VWA3B: variants seen among roughly 807,000 people sequenced by gnomAD.
VWA3B encodes von Willebrand factor A domain containing 3B.
Under a neutral mutation model 158.3 loss-of-function variants are expected in VWA3B, and 138 were observed. The observed-to-expected ratio is 0.87, with a 90% CI of 0.76 to 1.00. The LOEUF is 1.00. Among genes scored for constraint, VWA3B ranks in the 50% least tolerant of loss-of-function variants. The probability of loss-of-function intolerance (pLI) is 0.00; values close to 1 mark genes in which losing one functional copy is unlikely to be tolerated. For synonymous variants in VWA3B, 596 were observed against 587.3 expected, an observed-to-expected ratio of 1.01 and a Z score of -0.21; for missense variants, 1,555 against 1,565.1, an observed-to-expected ratio of 0.99 and a Z score of 0.11.
intron 22 of VWA3B, among the ~76,000 whole-genome samples, chr2:98,280,925 T>C (rs1688841899): frequency 6.6e-6 from 1 of 152,218 alleles, no homozygotes; most frequent in Non-Finnish European, 1.5e-5. Context: ...CCTTGCTGCT[T>C]CTTCAGGGCT....
intron 7 of VWA3B, among the ~76,000 whole-genome samples, chr2:98,151,976 A>G (rs965908200): frequency 7.9e-5 from 12 of 152,380 alleles, no homozygotes; most frequent in Admixed American, 2.6e-4. Context: ...TCTAATGGTC[A>G]TGGTAGTAAC....
chr2:98,270,900 T>G lies in VWA3B; in HGVS notation c.3045+17T>G. ...CCGGGAGAGGTGGGTGCCCTGGAGG[T>G]CTCTGTCTTTCCTCCCTCTCTGCCT... On this transcript the variant is annotated intron_variant, in intron 22 of 27. Transcript: ENST00000477737. 1.2e-6 allele frequency: 2 copies of G among 1,611,368 alleles called. No individual in the cohort carries two copies. Among genetic ancestry groups the G allele is most frequent in the Non-Finnish European group, 1.7e-6 (2 of 1,178,554 alleles).
chr2:98,297,639 G>A (rs1291843205), intron 23 of VWA3B, among the ~76,000 whole-genome samples: 1 of 152,156 alleles, frequency 6.6e-6, no homozygotes, highest in Non-Finnish European at 1.5e-5. Context: ...TCAGGATGGG[G>A]GCTGATGGCG....
At chr2:98,323,638 A>G in the VWA3B span, among the ~76,000 whole-genome samples, 1 of 152,206 alleles carries the variant, frequency 6.6e-6, no homozygotes, top group East Asian at 1.9e-4. Flanking sequence ...TACACACATC[A>G]TAGTCAGACT....
chr2:98,323,934 T>C, the VWA3B span, among the ~76,000 whole-genome samples: 15 of 152,216 alleles, frequency 9.9e-5, no homozygotes, highest in Admixed American at 2.6e-4. Context: ...GTGGTGAGCA[T>C]CCTGTTATTA....
intron 5 of VWA3B, among the ~76,000 whole-genome samples, chr2:98,127,161 T>C (rs1675432178): frequency 6.6e-6 from 1 of 152,218 alleles, no homozygotes; most frequent in Admixed American, 6.5e-5. Flanking sequence ...CCCATTTATG[T>C]GTGGACACAG....
intron 8 of VWA3B, among the ~76,000 whole-genome samples, chr2:98,164,319 T>TTGGTAG (rs1483234056): frequency 6.6e-6 from 1 of 152,228 alleles, no homozygotes; most frequent in Non-Finnish European, 1.5e-5. Context: ...GATATTCACC[T>TTGGTAG]AACACTCTTC....
Position 98,119,430 on chromosome 2 carries a change from G to A in VWA3B, c.292-83G>A, listed in dbSNP as rs2104957286. The A allele has an allele frequency of 2.0e-6, 3 of 1,464,222 alleles. No homozygotes were observed. The South Asian group carries it at 3.8e-5, about 19-fold the overall frequency. The allele number at this position is 1,464,222 out of a possible 1,614,324, so 90.7% of individuals were successfully genotyped here. A position where few individuals can be genotyped will look rare whatever the true frequency, so the allele number is the denominator to read the frequency against. ...GGTCATTGACAACACTGTTATGAGT[G>A]CACAGTTCTCGGTGGCAGCACTGTG... On this transcript the variant is annotated intron_variant, in intron 3 of 27. Transcript: ENST00000477737.
intron 14 of VWA3B, among the ~76,000 whole-genome samples, chr2:98,218,841 G>C (rs749563864): frequency 2.6e-5 from 4 of 152,206 alleles, no homozygotes; most frequent in Non-Finnish European, 5.9e-5. Flanking sequence ...GGAGGGACCA[G>C]TGCTTTAAGC....
At chr2:98,303,644 ATC>A in intron 25 of VWA3B, 56 bp from the exon 26 acceptor site, 1 of 1,495,378 alleles carries the variant, frequency 6.7e-7, no homozygotes. Flanking sequence ...ATAAAATTGT[ATC>A]TGAATTGTGG....
At chr2:98,185,562 A>G (rs1485461791) in intron 9 of VWA3B, among the ~76,000 whole-genome samples, 1 of 152,110 alleles carries the variant, frequency 6.6e-6, no homozygotes, top group East Asian at 1.9e-4. Flanking sequence ...CTCCTGAAAC[A>G]CCTAGCACCT....
intron 2 of VWA3B, among the ~76,000 whole-genome samples, chr2:98,109,042 T>G (rs1385002353): frequency 1.3e-4 from 20 of 150,884 alleles, no homozygotes; most frequent in African/African-American, 4.9e-4. Context: ...GCCTAGGCTG[T>G]AATGCAATGG....
In VWA3B at chr2:98,128,275, C is replaced by A; in HGVS notation, c.739C>A (p.Pro247Thr). ...TTACTACTTTGTGGTGGGGGATGTT[C>A]CTGAAGAATCCAAGGAGCTTCTCCT... is the stretch of plus-strand genomic sequence containing the variant. ...SIYYFVVGDV[P>T]EESKELLLQR... Residue 247 changes from proline to threonine, a missense_variant, in exon 6 of 28, where the codon CCT (proline) becomes ACT (threonine). Transcript: ENST00000477737. 3 of 1,614,124 alleles carry A rather than the reference C, an allele frequency of 1.9e-6. No homozygotes were observed. In the South Asian group the frequency reaches 3.3e-5, roughly 18 times the overall value.
At chr2:98,165,467 G>A (rs956175912) in intron 8 of VWA3B, among the ~76,000 whole-genome samples, 1 of 152,122 alleles carries the variant, frequency 6.6e-6, no homozygotes, top group East Asian at 1.9e-4. Flanking sequence ...AGCTCCCCGG[G>A]TGATCCTAGT....
At chr2:98,184,475 C>T (rs964841627) in intron 9 of VWA3B, among the ~76,000 whole-genome samples, 2 of 152,248 alleles carry the variant, frequency 1.3e-5, no homozygotes, top group Admixed American at 6.5e-5. Context: ...CATGCCCGCT[C>T]ATGTCAGTGG....
At chr2:98,324,036 G>T in the VWA3B span, among the ~76,000 whole-genome samples, 1 of 152,200 alleles carries the variant, frequency 6.6e-6, no homozygotes, top group Admixed American at 6.5e-5. Context: ...AGTCTTTCTG[G>T]CTTGAAAAAC....
intron 22 of VWA3B, among the ~76,000 whole-genome samples, chr2:98,274,773 G>T (rs1208280927): frequency 6.6e-6 from 1 of 152,216 alleles, no homozygotes; most frequent in African/African-American, 2.4e-5. Context: ...CAACGTAAAA[G>T]ACCAAAATCC....
chr2:98,302,277 C>G (rs538077274), intron 25 of VWA3B, among the ~76,000 whole-genome samples: 3 of 152,312 alleles, frequency 2.0e-5, no homozygotes, highest in African/African-American at 7.2e-5. Context: ...CCTCAGGTTC[C>G]TCCTGTCCAC....
At chr2:98,291,209 G>A (rs569104102) in intron 23 of VWA3B, 6 of 153,626 alleles carry the variant, frequency 3.9e-5, no homozygotes, top group Non-Finnish European at 4.3e-5. Context: ...AACAACAGCG[G>A]TGCCCAGGCC....
Sources: allele counts gnomAD v4.1 joint callset (sites outside exome capture counted in the v4.1 genomes callset), GRCh38; gene constraint gnomAD v4.1.1; transcripts MANE v1.5; gene names NCBI Gene and HGNC (gene_info 2026-07-23, HGNC 2026-07-21).